The following ZNF592 variants were observed in gnomAD, a reference collection of about 807,000 sequenced individuals.
ZNF592 encodes the protein zinc finger protein 592, also known as spinocerebellar ataxia, autosomal recessive 5.
A neutral mutation model predicts 80.3 loss-of-function variants in ZNF592; 11 were observed. That is an observed-to-expected ratio of 0.14 (90% confidence interval 0.09 to 0.23). ZNF592 has a LOEUF of 0.23. Among genes scored for constraint, ZNF592 ranks in the 10% least tolerant of loss-of-function variants. The pLI, the probability that ZNF592 is intolerant of heterozygous loss-of-function variation, is 1.00. For missense variants in ZNF592, 1,420 were observed against 1,633.9 expected (o/e 0.87, Z 2.26); for synonymous variants, 646 against 640.3 (o/e 1.01, Z -0.13).
Position 84,782,910 on chromosome 15 carries a change from T to A in ZNF592, c.235T>A (p.Phe79Ile). Residue 79 changes from phenylalanine to isoleucine, a missense_variant, in exon 4 of 11, where the codon TTT (phenylalanine) becomes ATT (isoleucine). Physicochemically the swap from Phe to Ile is conservative, Grantham distance 21 (BLOSUM62 0). This residue lies in a region of ZNF592 where 373 missense variants were observed against 355.5 expected (regional missense o/e 1.05). Coordinates refer to ENST00000560079, the MANE Select transcript of ZNF592 (RefSeq NM_014630.3). ...IVKNTSRQES[F>I]EAEKDHITPS... Reference sequence around the variant, plus strand: ...CAAGAACACCAGCCGCCAGGAGTCATTTGAAGCGGAGAAAGACCACATTAC... The same window carrying A: ...CAAGAACACCAGCCGCCAGGAGTCAATTGAAGCGGAGAAAGACCACATTAC... 1.2e-6 allele frequency: 2 copies of A among 1,614,164 alleles called. No homozygotes were observed. The highest frequency in any genetic ancestry group is 1.7e-6 in the Non-Finnish European group (2 of 1,180,026).
At chr15:84,755,253 A>C (rs887236147) in intron 1 of ZNF592, among the ~76,000 whole-genome samples, 4 of 151,502 alleles carry the variant, frequency 2.6e-5, no homozygotes, top group Admixed American at 6.6e-5. Context: ...GGCATGAGTC[A>C]CTGCACCTGG....
intron 3 of ZNF592, among the ~76,000 whole-genome samples, chr15:84,779,230 G>A (rs1163462365): frequency 6.6e-6 from 1 of 152,028 alleles, no homozygotes; most frequent in Non-Finnish European, 1.5e-5. Context: ...GCAGGTTTTC[G>A]GTAAATAGAA....
intron 4 of ZNF592, among the ~76,000 whole-genome samples, chr15:84,787,581 T>C (rs1383360613): frequency 6.6e-6 from 1 of 152,210 alleles, no homozygotes; most frequent in Non-Finnish European, 1.5e-5. Flanking sequence ...CCTGGGAGTC[T>C]GCCCCTGAAT....
intron 5 of ZNF592, among the ~76,000 whole-genome samples, chr15:84,796,264 ATTTT>A (rs1962912572): frequency 1.7e-5 from 1 of 60,144 alleles, no homozygotes; most frequent in Non-Finnish European, 2.9e-5. Flanking sequence ...ATATATATAT[ATTTT>A]ATATATATAT....
intron 10 of ZNF592, 65 bp from the exon 11 acceptor site, chr15:84,801,798 G>A: frequency 1.2e-6 from 2 of 1,613,356 alleles, no homozygotes; most frequent in Admixed American, 1.7e-5. Flanking sequence ...TGGGCTCATG[G>A]TTATGTCTAG....
At chr15:84,780,666 T>C (rs1054955265) in intron 3 of ZNF592, among the ~76,000 whole-genome samples, 4 of 152,174 alleles carry the variant, frequency 2.6e-5, no homozygotes, top group Non-Finnish European at 4.4e-5. Context: ...TGCTGGGAGT[T>C]GGGAGTGGGG....
At position 84,802,367 on chromosome 15, in the gene ZNF592, A is replaced by G; in HGVS notation, c.3778A>G (p.Ser1260Gly). Reference sequence around the variant, plus strand: ...ACCACAGGCCTCTCAGGACCAGGACAGCCACACACTGTCCCCTCAGGTGTG... The same window carrying G: ...ACCACAGGCCTCTCAGGACCAGGACGGCCACACACTGTCCCCTCAGGTGTG... The part of the protein sequence containing the change: ...SQPQASQDQD[S>G]HTLSPQV The change falls in exon 11 of 11, where the codon AGC (serine) becomes GGC (glycine). Residue 1260 changes from serine (S) to glycine (G), a missense_variant. Ser to Gly is a moderately conservative substitution (Grantham distance 56, BLOSUM62 0). This residue lies in a region of ZNF592 where 24 missense variants were observed against 16.7 expected (regional missense o/e 1.44). Coordinates refer to ENST00000560079, the MANE Select transcript of ZNF592 (RefSeq NM_014630.3). 6.2e-7 allele frequency: 1 copy of G among 1,613,772 alleles called. No homozygotes were observed. Among genetic ancestry groups the G allele is most frequent in the East Asian group, 2.2e-5 (1 of 44,888 alleles).
At chr15:84,774,679 T>G (rs1468815483) in intron 2 of ZNF592, among the ~76,000 whole-genome samples, 2 of 145,814 alleles carry the variant, frequency 1.4e-5, no homozygotes, top group East Asian at 2.0e-4. Context: ...TTTTGTTCTG[T>G]TTTTTTTTTG....
intron 1 of ZNF592, chr15:84,754,502 C>G (rs1899105246): frequency 1.3e-5 from 2 of 152,040 alleles, no homozygotes; most frequent in Admixed American, 1.3e-4. Flanking sequence ...GCTGACGTTG[C>G]AGTGAGCCAA....
intron 2 of ZNF592, among the ~76,000 whole-genome samples, chr15:84,777,471 G>A (rs1413964778): frequency 2.9e-5 from 4 of 136,112 alleles, no homozygotes; most frequent in East Asian, 4.4e-4. Flanking sequence ...GCAAGACTCC[G>A]TCTCAAAAAA....
intron 1 of ZNF592, among the ~76,000 whole-genome samples, chr15:84,756,943 C>G (rs925145767): frequency 1.3e-5 from 2 of 151,990 alleles, no homozygotes; most frequent in African/African-American, 4.8e-5. Flanking sequence ...GAAACCCCGT[C>G]TCTACTAAAA....
chr15:84,802,179 A>G lies in ZNF592; in HGVS notation c.3590A>G (p.Glu1197Gly), dbSNP rs1192550502. The change falls in exon 11 of 11, where the codon GAG becomes GGG. Residue 1197 changes from glutamate to glycine, a missense_variant. Transcript: ENST00000560079. ...EEAAAAEMAVEVAEPEEGSGE... is the reference protein window; with the variant it reads ...EEAAAAEMAVGVAEPEEGSGE... ...GCGGCGGCAGCGGAGATGGCAGTGG[A>G]GGTGGCAGAGCCAGAGGAGGGCTCC... is the stretch of plus-strand genomic sequence containing the variant. 6.2e-7 allele frequency: 1 copy of G among 1,603,032 alleles called. No homozygotes were observed. Among genetic ancestry groups the G allele is most frequent in the Non-Finnish European group, 8.5e-7 (1 of 1,171,720 alleles).
chr15:84,795,875 A>T (rs1374315266), intron 5 of ZNF592, among the ~76,000 whole-genome samples: 1 of 151,784 alleles, frequency 6.6e-6, no homozygotes, highest in Non-Finnish European at 1.5e-5. Context: ...GTGATTCTCT[A>T]CCCCTCCCTT....
At chr15:84,779,954 CCTTTCCCCTCAAT>C (rs1962370918) in intron 3 of ZNF592, among the ~76,000 whole-genome samples, 1 of 151,612 alleles carries the variant, frequency 6.6e-6, no homozygotes, top group Admixed American at 6.6e-5. Flanking sequence ...TCTATTCTGC[CCTTTCCCCTCAAT>C]CTTTTTTTCC....
At chr15:84,766,609 C>T (rs1056631934) in intron 2 of ZNF592, among the ~76,000 whole-genome samples, 18 of 144,448 alleles carry the variant, frequency 1.2e-4, no homozygotes, top group Middle Eastern at 3.5e-3. Context: ...AGTTGGGGGG[C>T]GGATAGAGAG....
intron 1 of ZNF592, among the ~76,000 whole-genome samples, chr15:84,757,523 T>C (rs1239726803): frequency 6.6e-6 from 1 of 152,020 alleles, no homozygotes; most frequent in Non-Finnish European, 1.5e-5. Flanking sequence ...GTTTTATTTT[T>C]TTATTTATTT....
intron 1 of ZNF592, among the ~76,000 whole-genome samples, chr15:84,764,345 A>G (rs1177829053): frequency 6.6e-6 from 1 of 152,226 alleles, no homozygotes; most frequent in Middle Eastern, 3.2e-3. Context: ...TAAGAGCTTT[A>G]TAAATATTAA....
intron 1 of ZNF592, among the ~76,000 whole-genome samples, chr15:84,760,634 G>C (rs1899322093): frequency 6.6e-6 from 1 of 152,188 alleles, no homozygotes; most frequent in Non-Finnish European, 1.5e-5. Flanking sequence ...GTGCATGTCT[G>C]CGGTGTGTGT....
chr15:84,762,438 T>A (rs1306489109), intron 1 of ZNF592, among the ~76,000 whole-genome samples: 1 of 152,038 alleles, frequency 6.6e-6, no homozygotes, highest in Non-Finnish European at 1.5e-5. Context: ...AAAAGAGCAA[T>A]CAGATTGGAG....
Sources: allele counts gnomAD v4.1 joint callset (sites outside exome capture counted in the v4.1 genomes callset), GRCh38; gene constraint gnomAD v4.1.1; regional missense constraint gnomAD v4.1.1; transcripts MANE v1.5; gene names NCBI Gene and HGNC (gene_info 2026-07-23, HGNC 2026-07-21).